Variants in BCL9 observed in about 807,000 individuals in gnomAD.
BCL9 encodes B-cell CLL/lymphoma 9 protein.
In BCL9, 25 loss-of-function variants were observed where a neutral mutation model predicts 88.5. The observed-to-expected ratio is 0.28, with a 90% CI of 0.21 to 0.39. The LOEUF (loss-of-function observed/expected upper bound fraction) is 0.39, where lower values mean the gene tolerates loss of function less well. BCL9 is among the 10% of genes least tolerant of loss of function. The probability of loss-of-function intolerance (pLI) is 1.00; values close to 1 mark genes in which losing one functional copy is unlikely to be tolerated. For synonymous variants in BCL9, 711 were observed against 673.3 expected (o/e 1.06, Z -0.87); for missense variants, 1,817 against 1,877.8 (o/e 0.97, Z 0.60).
intron 2 of BCL9, among the ~76,000 whole-genome samples, chr1:147,605,258 C>T (rs188665143): frequency 1.3e-5 from 2 of 152,262 alleles, no homozygotes; most frequent in Admixed American, 1.3e-4. Flanking sequence ...GATCAAACAG[C>T]ATTGATTGAG....
chr1:147,606,431 A>G (rs1400200160), intron 2 of BCL9, among the ~76,000 whole-genome samples: 2 of 152,202 alleles, frequency 1.3e-5, no homozygotes, highest in East Asian at 3.9e-4. Context: ...AAATCTCTAT[A>G]CTAATAAGGA....
intron 7 of BCL9, 60 bp downstream of exon 7, chr1:147,615,962 G>A: frequency 1.3e-6 from 2 of 1,495,684 alleles, no homozygotes; most frequent in Non-Finnish European, 1.8e-6. Context: ...GCAAAGGAAA[G>A]GAGGTGGTGA....
intron 7 of BCL9, among the ~76,000 whole-genome samples, chr1:147,617,699 G>A (rs587766781): frequency 6.6e-6 from 1 of 152,302 alleles, no homozygotes; most frequent in African/African-American, 2.4e-5. Flanking sequence ...TTTGCACACA[G>A]GTAAACATTC....
Position 147,615,892 on chromosome 1 carries a change from C to G in BCL9, c.650C>G (p.Thr217Arg). Reference protein sequence around the residue: ...NISNNKTERSTAPLNTQISAL... With the variant: ...NISNNKTERSRAPLNTQISAL... ...TCTAACAACAAGACAGAGAGAAGCA[C>G]AGCGCCTCTGGTATGTTGTTTCAGA... The change falls in exon 7 of 10, where the codon ACA becomes AGA. Residue 217 changes from threonine to arginine, a missense_variant. Coordinates refer to ENST00000234739, the MANE Select transcript of BCL9 (RefSeq NM_004326.4). 1 of 1,612,790 alleles carries G rather than the reference C, an allele frequency of 6.2e-7. No individual in the cohort carries two copies. Among genetic ancestry groups the G allele is most frequent in the Non-Finnish European group, 8.5e-7 (1 of 1,178,782 alleles).
chr1:147,565,664 T>G (rs1655564869), intron 1 of BCL9, among the ~76,000 whole-genome samples: 1 of 152,248 alleles, frequency 6.6e-6, no homozygotes, highest in Non-Finnish European at 1.5e-5. Flanking sequence ...TAGGCCTTAC[T>G]TCTTCTTTAC....
chr1:147,565,861 G>A (rs1290520743), intron 1 of BCL9, among the ~76,000 whole-genome samples: 8 of 151,854 alleles, frequency 5.3e-5, no homozygotes, highest in African/African-American at 1.9e-4. Context: ...GTGCTTGGTA[G>A]GTGATTAATT....
intron 1 of BCL9, among the ~76,000 whole-genome samples, chr1:147,571,033 C>G (rs1553197367): frequency 6.6e-6 from 1 of 152,052 alleles, no homozygotes; most frequent in Non-Finnish European, 1.5e-5. Context: ...TCCCATCCAC[C>G]AGGCTGTACA....
chr1:147,550,936 C>T (rs1415256522), intron 1 of BCL9, among the ~76,000 whole-genome samples: 1 of 152,148 alleles, frequency 6.6e-6, no homozygotes, highest in Non-Finnish European at 1.5e-5. Flanking sequence ...AAAAGGCACT[C>T]AATCAGCTGT....
In BCL9 at chr1:147,569,921, AT is replaced by A. The variant is rs1570837284; in HGVS notation, c.-478+28251del. ...TAGGCATCTGAATATTAAAGAGGCC[AT>A]TTTCTGAAGGGAAAAAAAAGGAGTT... On this transcript the variant is annotated intron_variant, in intron 1 of 9. Coordinates refer to ENST00000234739, the MANE Select transcript of BCL9 (RefSeq NM_004326.4). Among the ~76,000 whole-genome samples the A allele has an allele frequency of 2.0e-5, 3 of 152,284 alleles. No homozygotes were observed. In the East Asian group the frequency reaches 5.8e-4, roughly 29 times the overall value.
intron 1 of BCL9, among the ~76,000 whole-genome samples, chr1:147,578,881 T>C (rs943105495): frequency 1.3e-5 from 2 of 152,168 alleles, no homozygotes; most frequent in African/African-American, 4.8e-5. Flanking sequence ...TTTTCTTTTT[T>C]TTGAGATAAA....
chr1:147,611,778 C>G lies in BCL9; in HGVS notation c.-59C>G. On this transcript the variant is annotated 5_prime_UTR_variant, in exon 4 of 10. Transcript: ENST00000234739. ...CCCCCAGCAGCTGTTTCTGCTGCAA[C>G]CCGAGAGGAACTCGGTGAGCCTGTC... The G allele has an allele frequency of 3.8e-6, 6 of 1,561,268 alleles. No homozygotes were observed. The South Asian group carries it at 6.7e-5, about 17-fold the overall frequency.
At chr1:147,606,540 T>C (rs1238542536) in intron 2 of BCL9, among the ~76,000 whole-genome samples, 3 of 152,166 alleles carry the variant, frequency 2.0e-5, no homozygotes, top group Admixed American at 1.3e-4. Flanking sequence ...CTCCAGCCTC[T>C]GAAAATAAAA....
chr1:147,620,980 A>G lies in BCL9; in HGVS notation c.2825A>G (p.Gln942Arg). 1 of 1,614,104 alleles carries G rather than the reference A, an allele frequency of 6.2e-7. No individual in the cohort carries two copies. The highest frequency in any genetic ancestry group is 1.1e-5 in the South Asian group (1 of 91,084). The change falls in exon 8 of 10, where the codon CAG (glutamine) becomes CGG (arginine). Residue 942 changes from glutamine (Q) to arginine (R), a missense_variant. Transcript: ENST00000234739. ...GWTSSPKPPL[Q>R]SPGIPPNHKA... ...ACCTCTTCTCCAAAACCTCCCCTTCAGAGTCCTGGGATCCCTCCAAACCAT... is the reference window on the plus strand; with the variant it reads ...ACCTCTTCTCCAAAACCTCCCCTTCGGAGTCCTGGGATCCCTCCAAACCAT...
Position 147,624,451 on chromosome 1 carries a change from C to T in BCL9, c.3773C>T (p.Pro1258Leu), listed in dbSNP as rs781974411. Residue 1258 changes from proline to leucine, a missense_variant, in exon 10 of 10, where the codon CCA becomes CTA. By Grantham distance (98) the Pro-to-Leu change is moderately conservative (BLOSUM62 -3). This residue lies in a region of BCL9 where 589 missense variants were observed against 686.2 expected (regional missense o/e 0.86). Coordinates refer to ENST00000234739, the MANE Select transcript of BCL9 (RefSeq NM_004326.4). This position sits in a 1 kb window ranked among gnomAD's most constrained non-coding sequence, Gnocchi z 4.4. The stretch of plus-strand genomic sequence containing the variant: ...CAATATTTCCCTCGAGGGGAAGTTC[C>T]AGGCCGTAAACAGCCCCAGGGTCCT... ...TLQYFPRGEV[P>L]GRKQPQGPGP... The T allele has an allele frequency of 3.1e-6, 5 of 1,614,228 alleles. No individual in the cohort carries two copies. The South Asian group carries it at 4.4e-5, about 14-fold the overall frequency.
intron 1 of BCL9, among the ~76,000 whole-genome samples, chr1:147,599,674 G>C (rs1553200915): frequency 1.3e-5 from 2 of 152,166 alleles, no homozygotes; most frequent in African/African-American, 4.8e-5. Context: ...GGGAGTGGGC[G>C]TCCCCTCCAG....
intron 1 of BCL9, among the ~76,000 whole-genome samples, chr1:147,595,677 A>C (rs1218477865): frequency 3.3e-5 from 5 of 152,092 alleles, no homozygotes; most frequent in African/African-American, 1.2e-4. Flanking sequence ...TAGTGAGACT[A>C]TCTCTACAAA....
chr1:147,624,082 TGGGCTTCCCCCA>T lies in BCL9; in HGVS notation c.3414_3425del (p.Gln1139_Pro1142del), dbSNP rs2101627103. On this transcript the variant is annotated inframe_deletion, in exon 10 of 10. Transcript: ENST00000234739. The surrounding 1 kb of genome is among the most constrained non-coding windows in gnomAD (Gnocchi z 4.4). Reference sequence around the variant, plus strand: ...CCACCGATGGTACCTCAAGGACGGATGGGCTTCCCCCAGGGCTTCCCTCCAGTACAGTCTCCC... The same window carrying T: ...CCACCGATGGTACCTCAAGGACGGATGGGCTTCCCTCCAGTACAGTCTCCC... The T allele has an allele frequency of 6.2e-7, 1 of 1,611,304 alleles. No homozygotes were observed. Among genetic ancestry groups the T allele is most frequent in the Non-Finnish European group, 8.5e-7 (1 of 1,177,962 alleles).
At chr1:147,603,358 C>T (rs984473210) in intron 1 of BCL9, among the ~76,000 whole-genome samples, 4 of 152,208 alleles carry the variant, frequency 2.6e-5, no homozygotes, top group African/African-American at 4.8e-5. Flanking sequence ...ACATGGGCTA[C>T]GCCAACCCCA....
At chr1:147,612,466 C>T (rs1658058783) in intron 4 of BCL9, among the ~76,000 whole-genome samples, 2 of 152,296 alleles carry the variant, frequency 1.3e-5, no homozygotes, top group South Asian at 4.1e-4. Context: ...CTTGCATTTT[C>T]CAGCAGGGAA....
Sources: gnomAD v4.1 joint callset for allele counts (sites outside exome capture counted in the v4.1 genomes callset) on GRCh38, gnomAD v4.1.1 for gene constraint, gnomAD v4.1.1 regional missense constraint, Gnocchi (gnomAD v3.1) non-coding constraint, MANE v1.5 for transcripts, NCBI Gene and HGNC (gene_info 2026-07-23, HGNC 2026-07-21) for gene names.